PURA: variants seen among roughly 807,000 people sequenced by gnomAD.
PURA encodes transcriptional activator protein Pur-alpha.
In PURA, 2 loss-of-function variants were observed where a neutral mutation model predicts 23.1. The ratio of observed to expected loss-of-function variants is 0.09; its 90% CI spans 0.04 to 0.27. The LOEUF is 0.27. Among genes scored for constraint, PURA ranks in the 10% least tolerant of loss-of-function variants. The pLI is 1.00. For synonymous variants in PURA, 254 were observed against 205.9 expected (o/e 1.23, Z -2.00); for missense variants, 187 against 449.7 (o/e 0.42, Z 5.28).
Position 140,114,504 on chromosome 5 carries a change from T to C in PURA, c.323T>C (p.Val108Ala). 1.2e-6 allele frequency: 2 copies of C among 1,611,262 alleles called. No individual in the cohort carries two copies. Among genetic ancestry groups the C allele is most frequent in the Non-Finnish European group, 1.7e-6 (2 of 1,179,244 alleles). ...SRLTLSMSVA[V>A]EFRDYLGDFI... ...CTTACTCTCTCCATGTCAGTGGCCG[T>C]GGAGTTCCGCGACTACCTGGGCGAC... Residue 108 changes from valine (V) to alanine (A), a missense_variant, in exon 1 of 1, where the codon GTG becomes GCG. Physicochemically the swap from Val to Ala is moderately conservative, Grantham distance 64. This residue lies in a region of PURA where 24 missense variants were observed against 75.2 expected (regional missense o/e 0.32). Transcript: ENST00000331327.
rs1000893311 is a variant in PURA at position 140,114,128 on chromosome 5, G to GAGGCGGCGGGCGGAGCGGC, written c.-44_-26dup. 4 of 403,026 alleles carry GAGGCGGCGGGCGGAGCGGC rather than the reference G, an allele frequency of 9.9e-6. No homozygotes were observed. The highest frequency in any genetic ancestry group is 1.6e-5 in the Non-Finnish European group (4 of 256,844). 25.0% of individuals were successfully genotyped at this position (403,026 alleles called of 1,614,324 possible). ...GAAAGCAGCGGCGGCTGAGGCGACTGAGGCGGCGGGCGGAGCGGCAGGCGG... is the reference window on the plus strand; with the variant it reads ...GAAAGCAGCGGCGGCTGAGGCGACTGAGGCGGCGGGCGGAGCGGCAGGCGGCGGGCGGAGCGGCAGGCGG... On this transcript the variant is annotated 5_prime_UTR_variant, in exon 1 of 1. Transcript: ENST00000331327.
Position 140,117,576 on chromosome 5 carries a change from G to C in PURA, c.*2426G>C, listed in dbSNP as rs1763100759. ...GTTTCATAGTAGCCAGCAATAAGTA[G>C]TGCAAGTCAACAAAAACACAGCAAA... On this transcript the variant is annotated 3_prime_UTR_variant, in exon 1 of 1. Coordinates refer to ENST00000331327, the MANE Select transcript of PURA (RefSeq NM_005859.5). 6.0e-6 allele frequency: 1 copy of C among 167,048 alleles called. No homozygotes were observed. The highest frequency in any genetic ancestry group is 2.4e-5 in the African/African-American group (1 of 41,448). The allele number at this position is 167,048 out of a possible 1,614,324, so 10.3% of individuals were successfully genotyped here. A position where few individuals can be genotyped will look rare whatever the true frequency, so the allele number is the denominator to read the frequency against.
rs1440720771 is a variant in PURA, at chr5:140,121,262, A to G, written c.*6112A>G. On this transcript the variant is annotated 3_prime_UTR_variant, in exon 1 of 1. Transcript: ENST00000331327. ...TAGTGTGTGTTTTGGTCTAAGGTAGATTATTAACACAGAAGGATCCTAGGA... is the reference window on the plus strand; with the variant it reads ...TAGTGTGTGTTTTGGTCTAAGGTAGGTTATTAACACAGAAGGATCCTAGGA... The G allele has an allele frequency of 6.0e-6, 1 of 166,938 alleles. No individual in the cohort carries two copies. The highest frequency in any genetic ancestry group is 6.6e-5 in the Admixed American group (1 of 15,262). 10.3% of individuals were successfully genotyped at this position (166,938 alleles called of 1,614,324 possible). A position where few individuals can be genotyped will look rare whatever the true frequency, so the allele number is the denominator to read the frequency against.
In PURA at chr5:140,115,227, G is replaced by T; in HGVS notation, c.*77G>T. On this transcript the variant is annotated 3_prime_UTR_variant, in exon 1 of 1. Transcript: ENST00000331327. This position sits in a 1 kb window ranked among gnomAD's most constrained non-coding sequence, Gnocchi z 4.1. ...CAGCCACACACACAGAAAATATACT[G>T]TAAAGAAAGAGAGAAAATAAAAAGT... 26 of 739,538 alleles carry T rather than the reference G, an allele frequency of 3.5e-5. No individual in the cohort carries two copies. The highest frequency in any genetic ancestry group is 5.1e-5 in the Non-Finnish European group (26 of 511,770). The allele number at this position is 739,538 out of a possible 1,614,324, so 45.8% of individuals were successfully genotyped here. A position where few individuals can be genotyped will look rare whatever the true frequency, so the allele number is the denominator to read the frequency against.
Position 140,114,712 on chromosome 5 carries a change from G to T in PURA, c.531G>T (p.Gly177=). 1.9e-6 allele frequency: 3 copies of T among 1,612,848 alleles called. No homozygotes were observed. Among genetic ancestry groups the T allele is most frequent in the Non-Finnish European group, 2.5e-6 (3 of 1,179,754 alleles). The part of the protein sequence containing the change: ...FLRIRQTVNR[G]PGLGSTQGQT... ...GCATCCGCCAGACGGTCAACCGGGGGCCTGGCCTGGGCTCCACGCAGGGCC... is the reference window on the plus strand; with the variant it reads ...GCATCCGCCAGACGGTCAACCGGGGTCCTGGCCTGGGCTCCACGCAGGGCC... Residue 177 remains glycine, a synonymous_variant, in exon 1 of 1, where the codon GGG becomes GGT. Coordinates refer to ENST00000331327, the MANE Select transcript of PURA (RefSeq NM_005859.5).
chr5:140,117,057 C>T lies in PURA; in HGVS notation c.*1907C>T, dbSNP rs1389940975. The T allele has an allele frequency of 2.4e-5, 4 of 166,918 alleles. No individual in the cohort carries two copies. Among genetic ancestry groups the T allele is most frequent in the Non-Finnish European group, 5.9e-5 (4 of 68,094 alleles). The allele number at this position is 166,918 out of a possible 1,614,324, so 10.3% of individuals were successfully genotyped here. ...TGGGTTTTGATTTGATATTTTTATG[C>T]TCCCTGGTTGAGTGTGTTGTCTTCG... On this transcript the variant is annotated 3_prime_UTR_variant, in exon 1 of 1. Transcript: ENST00000331327.
At position 140,119,036 on chromosome 5, in the gene PURA, G is replaced by A. The variant is rs1206695221; in HGVS notation, c.*3886G>A. On this transcript the variant is annotated 3_prime_UTR_variant, in exon 1 of 1. Coordinates refer to ENST00000331327, the MANE Select transcript of PURA (RefSeq NM_005859.5). ...AAACTATGCAAATTATTAAATAAGT[G>A]TAAATTAGGATTCAATTAAAGATAG... 2 of 166,810 alleles carry A rather than the reference G, an allele frequency of 1.2e-5. No homozygotes were observed. The highest frequency in any genetic ancestry group is 4.8e-5 in the African/African-American group (2 of 41,416). The allele number at this position is 166,810 out of a possible 1,614,324, so 10.3% of individuals were successfully genotyped here. A position where few individuals can be genotyped will look rare whatever the true frequency, so the allele number is the denominator to read the frequency against.
Position 140,115,310 on chromosome 5 carries a change from C to T in PURA, c.*160C>T. The T allele has an allele frequency of 2.1e-6, 1 of 485,288 alleles. No homozygotes were observed. Among genetic ancestry groups the T allele is most frequent in the Non-Finnish European group, 3.6e-6 (1 of 278,928 alleles). The allele number at this position is 485,288 out of a possible 1,614,324, so 30.1% of individuals were successfully genotyped here. Reference sequence around the variant, plus strand: ...CTCCAAGGGAGCACCACCCACAGAACCTCCACCAACTGACAGTTTCTCTTC... The same window carrying T: ...CTCCAAGGGAGCACCACCCACAGAATCTCCACCAACTGACAGTTTCTCTTC... On this transcript the variant is annotated 3_prime_UTR_variant, in exon 1 of 1. Transcript: ENST00000331327. This position sits in a 1 kb window ranked among gnomAD's most constrained non-coding sequence, Gnocchi z 4.1.
chr5:140,123,472 T>C lies in PURA; in HGVS notation c.*8322T>C, dbSNP rs906375407. 1 of 166,908 alleles carries C rather than the reference T, an allele frequency of 6.0e-6. No homozygotes were observed. Among genetic ancestry groups the C allele is most frequent in the Non-Finnish European group, 1.5e-5 (1 of 68,076 alleles). 10.3% of individuals were successfully genotyped at this position (166,908 alleles called of 1,614,324 possible). On this transcript the variant is annotated 3_prime_UTR_variant, in exon 1 of 1. Transcript: ENST00000331327. ...AGTTAAGGCTAGTCACTTTCACTTT[T>C]GTTTCTAGTCTTTTCTAATTTCTTG...
rs80110625 is a variant in PURA, at chr5:140,115,261, TAAA to T, written c.*124_*126del. ...GAGAGAAAATAAAAAGTTAAAAAGT[TAAA>T]AAAAAAAAAAAACCTGTTAACTCCA... On this transcript the variant is annotated 3_prime_UTR_variant, in exon 1 of 1. Coordinates refer to ENST00000331327, the MANE Select transcript of PURA (RefSeq NM_005859.5). This position sits in a 1 kb window ranked among gnomAD's most constrained non-coding sequence, Gnocchi z 4.1. 44 of 527,050 alleles carry T rather than the reference TAAA, an allele frequency of 8.3e-5. No individual in the cohort carries two copies. The highest frequency in any genetic ancestry group is 1.7e-4 in the South Asian group (3 of 17,754). The allele number at this position is 527,050 out of a possible 1,614,324, so 32.6% of individuals were successfully genotyped here.
rs966716436 is a variant in PURA at position 140,124,057 on chromosome 5, A to T, written c.*8907A>T. 1.2e-5 allele frequency: 2 copies of T among 166,970 alleles called. No homozygotes were observed. The highest frequency in any genetic ancestry group is 2.9e-5 in the Non-Finnish European group (2 of 68,054). 10.3% of individuals were successfully genotyped at this position (166,970 alleles called of 1,614,324 possible). ...TATTTTAACCAGATGCGGTCTTATG[A>T]CCTCAAAGATGTGCTCTAGAAAGAA... is the stretch of plus-strand genomic sequence containing the variant. On this transcript the variant is annotated 3_prime_UTR_variant, in exon 1 of 1. Coordinates refer to ENST00000331327, the MANE Select transcript of PURA (RefSeq NM_005859.5).
rs900098316 is a variant in PURA at position 140,118,787 on chromosome 5, T to G, written c.*3637T>G. 1.2e-5 allele frequency: 2 copies of G among 166,942 alleles called. No homozygotes were observed. Among genetic ancestry groups the G allele is most frequent in the Non-Finnish European group, 1.5e-5 (1 of 68,038 alleles). The allele number at this position is 166,942 out of a possible 1,614,324, so 10.3% of individuals were successfully genotyped here. A position where few individuals can be genotyped will look rare whatever the true frequency, so the allele number is the denominator to read the frequency against. On this transcript the variant is annotated 3_prime_UTR_variant, in exon 1 of 1. Transcript: ENST00000331327. ...TAGTTGTCCCATGCAGGGGTTGAAA[T>G]TTGATTCCAAGCGGAAAGTATATTA...
At position 140,122,999 on chromosome 5, in the gene PURA, G is replaced by T. The variant is rs1247485002; in HGVS notation, c.*7849G>T. 1 of 166,730 alleles carries T rather than the reference G, an allele frequency of 6.0e-6. No homozygotes were observed. The highest frequency in any genetic ancestry group is 1.5e-5 in the Non-Finnish European group (1 of 67,984). The allele number at this position is 166,730 out of a possible 1,614,324, so 10.3% of individuals were successfully genotyped here. A position where few individuals can be genotyped will look rare whatever the true frequency, so the allele number is the denominator to read the frequency against. On this transcript the variant is annotated 3_prime_UTR_variant, in exon 1 of 1. Transcript: ENST00000331327. ...GTGGTTCTGATTTTGTACTTTGAAG[G>T]TAATTTTTCTTTTTTACGAATGTCA...
rs1394032888 is a variant in PURA at position 140,117,241 on chromosome 5, A to C, written c.*2091A>C. 1 of 167,064 alleles carries C rather than the reference A, an allele frequency of 6.0e-6. No homozygotes were observed. The highest frequency in any genetic ancestry group is 1.5e-5 in the Non-Finnish European group (1 of 68,102). The allele number at this position is 167,064 out of a possible 1,614,324, so 10.3% of individuals were successfully genotyped here. On this transcript the variant is annotated 3_prime_UTR_variant, in exon 1 of 1. Coordinates refer to ENST00000331327, the MANE Select transcript of PURA (RefSeq NM_005859.5). ...TTACAAAATCACTGGAAATGATTAA[A>C]TTGCTTTTCCCCCTCCCCAGAGGTG...
In PURA at chr5:140,115,079, C is replaced by G. The variant is rs138032752; in HGVS notation, c.898C>G (p.Gln300Glu). ...CTGTGAGCAGCTTCACCAGCAGCAA[C>G]AGCAGCAGCAGGAGGAGACCGCCGC... The part of the protein sequence containing the change: ...AACEQLHQQQ[Q>E]QQQEETAAAT... The change falls in exon 1 of 1, where the codon CAG becomes GAG. Residue 300 changes from glutamine to glutamate, a missense_variant. Physicochemically the swap from Gln to Glu is conservative, Grantham distance 29. Coordinates refer to ENST00000331327, the MANE Select transcript of PURA (RefSeq NM_005859.5). The surrounding 1 kb of genome is among the most constrained non-coding windows in gnomAD (Gnocchi z 4.1). The G allele has an allele frequency of 6.2e-7, 1 of 1,612,034 alleles. No individual in the cohort carries two copies. The highest frequency in any genetic ancestry group is 1.3e-5 in the African/African-American group (1 of 74,832).
In PURA at chr5:140,125,560, T is replaced by A. The variant is rs1763203183; in HGVS notation, c.*10410T>A. ...GGGGTTAGCCATTATCTTAACCCCT[T>A]CCTCACCAAAAGATTTTAGTTTTGT... On this transcript the variant is annotated 3_prime_UTR_variant, in exon 1 of 1. Coordinates refer to ENST00000331327, the MANE Select transcript of PURA (RefSeq NM_005859.5). The A allele has an allele frequency of 6.0e-6, 1 of 166,990 alleles. No homozygotes were observed. The highest frequency in any genetic ancestry group is 2.4e-5 in the African/African-American group (1 of 41,416). The allele number at this position is 166,990 out of a possible 1,614,324, so 10.3% of individuals were successfully genotyped here. A position where few individuals can be genotyped will look rare whatever the true frequency, so the allele number is the denominator to read the frequency against.
chr5:140,121,222 T>G lies in PURA; in HGVS notation c.*6072T>G, dbSNP rs1247767445. On this transcript the variant is annotated 3_prime_UTR_variant, in exon 1 of 1. Coordinates refer to ENST00000331327, the MANE Select transcript of PURA (RefSeq NM_005859.5). ...TTCTATTTTAGAATTGTGAAAAACA[T>G]GGAAATACTCTTGTTAGTGTGTGTT... 1 of 166,958 alleles carries G rather than the reference T, an allele frequency of 6.0e-6. No homozygotes were observed. The highest frequency in any genetic ancestry group is 1.5e-5 in the Non-Finnish European group (1 of 67,998). The allele number at this position is 166,958 out of a possible 1,614,324, so 10.3% of individuals were successfully genotyped here.
rs1561794130 is a variant in PURA, at chr5:140,117,337, A to G, written c.*2187A>G. 1 of 166,922 alleles carries G rather than the reference A, an allele frequency of 6.0e-6. No individual in the cohort carries two copies. The highest frequency in any genetic ancestry group is 1.5e-5 in the Non-Finnish European group (1 of 68,086). 10.3% of individuals were successfully genotyped at this position (166,922 alleles called of 1,614,324 possible). On this transcript the variant is annotated 3_prime_UTR_variant, in exon 1 of 1. Coordinates refer to ENST00000331327, the MANE Select transcript of PURA (RefSeq NM_005859.5). Reference sequence around the variant, plus strand: ...TAATGTGACATTTGGAATGCTTATCAACTGCATGTAAACATTAATAACCTG... The same window carrying G: ...TAATGTGACATTTGGAATGCTTATCGACTGCATGTAAACATTAATAACCTG...
In PURA at chr5:140,114,221, G is replaced by A. The variant is rs1046152089; in HGVS notation, c.40G>A (p.Ala14Thr). 1.9e-6 allele frequency: 2 copies of A among 1,039,194 alleles called. No individual in the cohort carries two copies. Among genetic ancestry groups the A allele is most frequent in the Non-Finnish European group, 2.4e-6 (2 of 824,616 alleles). The allele number at this position is 1,039,194 out of a possible 1,614,324, so 64.4% of individuals were successfully genotyped here. A position where few individuals can be genotyped will look rare whatever the true frequency, so the allele number is the denominator to read the frequency against. ...CAGCGGCAGCGAGCAGGGTGGTGCG[G>A]CGCTGGGTTCGGGCGGCTCCCTGGG... Reference protein sequence around the residue: ...RDSGSEQGGAALGSGGSLGHP... With the variant: ...RDSGSEQGGATLGSGGSLGHP... Residue 14 changes from alanine to threonine, a missense_variant, in exon 1 of 1, where the codon GCG becomes ACG. Physicochemically the swap from Ala to Thr is moderately conservative, Grantham distance 58. This residue lies in a region of PURA where 33 missense variants were observed against 30.4 expected (regional missense o/e 1.08). Coordinates refer to ENST00000331327, the MANE Select transcript of PURA (RefSeq NM_005859.5).
Sources: allele counts gnomAD v4.1 joint callset, GRCh38; gene constraint gnomAD v4.1.1; regional missense constraint gnomAD v4.1.1; non-coding constraint Gnocchi (gnomAD v3.1); transcripts MANE v1.5; gene names NCBI Gene and HGNC (gene_info 2026-07-23, HGNC 2026-07-21).